The following HSPB8 variants were observed in gnomAD, a reference collection of about 807,000 sequenced individuals.
HSPB8 encodes heat shock protein family B (small) member 8, also known as heat shock protein beta-8.
HSPB8 carries 9 observed loss-of-function variants against 16.5 expected under a neutral mutation model. That is an observed-to-expected ratio of 0.55 (90% confidence interval 0.33 to 0.95). The LOEUF is 0.95. HSPB8 is among the 40% of genes least tolerant of loss of function. The pLI is 0.03. For synonymous variants in HSPB8, 99 were observed against 94.8 expected, an observed-to-expected ratio of 1.04 and a Z score of -0.26; for missense variants, 238 against 251.2, an observed-to-expected ratio of 0.95 and a Z score of 0.35.
rs530083542 is a variant in HSPB8 at position 119,179,329 on chromosome 12, T to C, written c.17T>C (p.Met6Thr). 14 of 1,613,886 alleles carry C rather than the reference T, an allele frequency of 8.7e-6. No individual in the cohort carries two copies. The South Asian group carries it at 1.3e-4, about 15-fold the overall frequency. Residue 6 changes from methionine to threonine, a missense_variant, in exon 1 of 3, where the codon ATG (methionine) becomes ACG (threonine). Coordinates refer to ENST00000281938, the MANE Select transcript of HSPB8 (RefSeq NM_014365.3). ...GCAGCCACCATGGCTGACGGTCAGATGCCCTTCTCCTGCCACTACCCAAGC... is the reference window on the plus strand; with the variant it reads ...GCAGCCACCATGGCTGACGGTCAGACGCCCTTCTCCTGCCACTACCCAAGC... MADGQ[M>T]PFSCHYPSRL...
intron 1 of HSPB8, among the ~76,000 whole-genome samples, chr12:119,182,621 A>G (rs1412340686): frequency 3.9e-5 from 6 of 152,142 alleles, no homozygotes; most frequent in Admixed American, 3.9e-4. Context: ...CTGGGCAACA[A>G]GAAAGAAATT....
chr12:119,186,152 A>G (rs1954674578), intron 1 of HSPB8, among the ~76,000 whole-genome samples: 1 of 152,242 alleles, frequency 6.6e-6, no homozygotes, highest in Non-Finnish European at 1.5e-5. Context: ...AAACCAGTTT[A>G]GGCCCAAGTC....
intron 1 of HSPB8, 117 bp from the exon 2 acceptor site, chr12:119,186,908 G>T: frequency 1.1e-6 from 1 of 913,420 alleles, no homozygotes; most frequent in Non-Finnish European, 1.8e-6. Context: ...AGTCTCTAGG[G>T]TAGGCCTAAG....
At chr12:119,180,008 A>C (rs1413920761) in intron 1 of HSPB8, among the ~76,000 whole-genome samples, 1 of 152,214 alleles carries the variant, frequency 6.6e-6, no homozygotes, top group Non-Finnish European at 1.5e-5. Flanking sequence ...AAAGAATTAA[A>C]AAACAAAGAA....
At chr12:119,191,650 G>T (rs1322562582) in intron 2 of HSPB8, among the ~76,000 whole-genome samples, 1 of 151,624 alleles carries the variant, frequency 6.6e-6, no homozygotes, top group Non-Finnish European at 1.5e-5. Flanking sequence ...CCTATGATCA[G>T]GAATGGGCTT....
chr12:119,193,965 G>A lies in HSPB8; in HGVS notation c.*107G>A, dbSNP rs2136086474. On this transcript the variant is annotated 3_prime_UTR_variant, in exon 3 of 3. Transcript: ENST00000281938. Reference sequence around the variant, plus strand: ...CAGATTTAGTGCAAGTAAAATGTTAGAGGGTGCGGGGGTGAGGACTGACCA... The same window carrying A: ...CAGATTTAGTGCAAGTAAAATGTTAAAGGGTGCGGGGGTGAGGACTGACCA... 7.9e-7 allele frequency: 1 copy of A among 1,257,914 alleles called. No homozygotes were observed. 77.9% of individuals were successfully genotyped at this position (1,257,914 alleles called of 1,614,324 possible).
In HSPB8 at chr12:119,194,439, G is replaced by A. The variant is rs56754798; in HGVS notation, c.*581G>A. 5.8e-3 allele frequency: 969 copies of A among 166,134 alleles called. 14 individuals are homozygous for A. Among genetic ancestry groups the A allele is most frequent in the African/African-American group, 0.022 (925 of 41,676 alleles). The allele number at this position is 166,134 out of a possible 1,614,324, so 10.3% of individuals were successfully genotyped here. A position where few individuals can be genotyped will look rare whatever the true frequency, so the allele number is the denominator to read the frequency against. On this transcript the variant is annotated 3_prime_UTR_variant, in exon 3 of 3. Coordinates refer to ENST00000281938, the MANE Select transcript of HSPB8 (RefSeq NM_014365.3). ...CCCTCTGCCCAGATGTGTCCAGCAC[G>A]TTCTCAAAGTTTCCACATTAGCACT...
chr12:119,188,501 G>A (rs771083060), intron 2 of HSPB8, among the ~76,000 whole-genome samples: 1 of 151,826 alleles, frequency 6.6e-6, no homozygotes, highest in Non-Finnish European at 1.5e-5. Flanking sequence ...GCCCGCCTCT[G>A]CCTCCCAAAG....
intron 1 of HSPB8, among the ~76,000 whole-genome samples, chr12:119,182,673 A>G (rs1051895334): frequency 1.3e-4 from 20 of 152,078 alleles, no homozygotes; most frequent in African/African-American, 4.1e-4. Flanking sequence ...ATAAAAAGCA[A>G]TTTTCAAGGG....
intron 1 of HSPB8, chr12:119,182,126 G>A (rs1954641984): frequency 6.6e-6 from 1 of 152,114 alleles, no homozygotes; most frequent in Non-Finnish European, 1.5e-5. Context: ...TCTCAGCTAA[G>A]TATCTTACTA....
At position 119,188,247 on chromosome 12, in the gene HSPB8, C is replaced by CTCT. The variant is rs1555223084; in HGVS notation, c.431+1160_431+1161insCTT. Among the ~76,000 whole-genome samples the CTCT allele has an allele frequency of 8.9e-3, 780 of 87,532 alleles. 12 individuals carry two copies. Among genetic ancestry groups the CTCT allele is most frequent in the African/African-American group, 0.034 (716 of 21,224 alleles). 57.4% of individuals were successfully genotyped at this position (87,532 alleles called of 152,430 possible). Reference sequence around the variant, plus strand: ...CTAAACTCTCTCTCTCTCTCTCTCTCTTTTTTTTTTTTTTTTTGAGATGGA... The same window carrying CTCT: ...CTAAACTCTCTCTCTCTCTCTCTCTCTCTTTTTTTTTTTTTTTTTTGAGATGGA... On this transcript the variant is annotated intron_variant, in intron 2 of 2. Coordinates refer to ENST00000281938, the MANE Select transcript of HSPB8 (RefSeq NM_014365.3).
At chr12:119,180,658 A>G (rs1330723570) in intron 1 of HSPB8, among the ~76,000 whole-genome samples, 3 of 152,194 alleles carry the variant, frequency 2.0e-5, no homozygotes, top group Non-Finnish European at 4.4e-5. Context: ...CTAGGGGGAA[A>G]AATGAGAGAA....
At chr12:119,183,190 G>A (rs1954650434) in intron 1 of HSPB8, 1 of 152,230 alleles carries the variant, frequency 6.6e-6, no homozygotes, top group African/African-American at 2.4e-5. Flanking sequence ...AGTCACTAAT[G>A]TAGTTTATGA....
intron 1 of HSPB8, among the ~76,000 whole-genome samples, chr12:119,180,724 C>G (rs1214386305): frequency 6.6e-6 from 1 of 152,202 alleles, no homozygotes; most frequent in African/African-American, 2.4e-5. Flanking sequence ...TCTTTTCCTT[C>G]CCTCCTGATT....
chr12:119,179,185 C>A lies in HSPB8; in HGVS notation c.-128C>A. ...TGGCAGTGGTTGGTTCTGCTTCTCC[C>A]TGCAGAAAAGCAGCATTTTCGGAAG... On this transcript the variant is annotated 5_prime_UTR_variant, in exon 1 of 3. It adds an upstream start codon to the 5' untranslated region. Transcript: ENST00000281938. 1.0e-6 allele frequency: 1 copy of A among 972,066 alleles called. No homozygotes were observed. Among genetic ancestry groups the A allele is most frequent in the Non-Finnish European group, 1.6e-6 (1 of 626,846 alleles). The allele number at this position is 972,066 out of a possible 1,614,324, so 60.2% of individuals were successfully genotyped here. A position where few individuals can be genotyped will look rare whatever the true frequency, so the allele number is the denominator to read the frequency against.
intron 2 of HSPB8, among the ~76,000 whole-genome samples, chr12:119,190,169 A>G (rs1018925672): frequency 1.3e-5 from 2 of 152,160 alleles, no homozygotes; most frequent in African/African-American, 2.4e-5. Context: ...TAATATTATG[A>G]AAAGGCTTCA....
At chr12:119,180,090 T>C (rs1444272267) in intron 1 of HSPB8, among the ~76,000 whole-genome samples, 1 of 152,196 alleles carries the variant, frequency 6.6e-6, no homozygotes, top group African/African-American at 2.4e-5. Context: ...ACAATGATAG[T>C]GTTAATAACC....
At chr12:119,182,792 AAGGACCTCCT>A (rs1482197353) in intron 1 of HSPB8, 1 of 152,108 alleles carries the variant, frequency 6.6e-6, no homozygotes, top group Non-Finnish European at 1.5e-5. Flanking sequence ...GGTTCCTCAC[AAGGACCTCCT>A]AGGAAGTGTG....
At chr12:119,187,193 C>T in intron 2 of HSPB8, 105 bp downstream of exon 2, 1 of 882,498 alleles carries the variant, frequency 1.1e-6, no homozygotes, top group Non-Finnish European at 1.9e-6. Flanking sequence ...TCTTTTAAGA[C>T]ACCTCCTTGG....
Sources: gnomAD v4.1 joint callset for allele counts (sites outside exome capture counted in the v4.1 genomes callset) on GRCh38, gnomAD v4.1.1 for gene constraint, MANE v1.5 for transcripts, NCBI Gene and HGNC (gene_info 2026-07-23, HGNC 2026-07-21) for gene names.